The following HUNK variants were observed in gnomAD, a reference collection of about 807,000 sequenced individuals.
The protein encoded by HUNK is hormonally up-regulated Neu-associated kinase.
HUNK carries 21 observed loss-of-function variants against 61.0 expected under a neutral mutation model. The observed-to-expected ratio is 0.34, with a 90% CI of 0.24 to 0.50. The LOEUF (loss-of-function observed/expected upper bound fraction) is 0.50, where lower values mean the gene tolerates loss of function less well. Ranked by LOEUF, HUNK falls within the 20% of genes least tolerant of loss-of-function variation. The pLI, the probability that HUNK is intolerant of heterozygous loss-of-function variation, is 0.98. For missense variants in HUNK, 772 were observed against 945.7 expected (o/e 0.82, Z 2.41); for synonymous variants, 371 against 386.1 (o/e 0.96, Z 0.46).
At chr21:31,994,832 A>G (rs2053192723) in intron 9 of HUNK, among the ~76,000 whole-genome samples, 1 of 152,258 alleles carries the variant, frequency 6.6e-6, no homozygotes, top group South Asian at 2.1e-4. Context: ...ATTATATTCT[A>G]GTACAACGAA....
rs144285519 is a variant in HUNK at position 31,914,193 on chromosome 21, T to A, written c.262-10275T>A. Among the ~76,000 whole-genome samples the A allele has an allele frequency of 4.3e-3, 650 of 151,832 alleles. 6 individuals are homozygous for A. Among genetic ancestry groups the A allele is most frequent in the African/African-American group, 0.015 (630 of 41,408 alleles). ...GAGGCCAAGGCGGGCGGATCACCTG[T>A]GGTCAGGAGTTCAAGACCAGCCTGA... On this transcript the variant is annotated intron_variant, in intron 1 of 10. Coordinates refer to ENST00000270112, the MANE Select transcript of HUNK (RefSeq NM_014586.2).
chr21:31,874,136 C>T (rs943384550), intron 1 of HUNK, among the ~76,000 whole-genome samples: 1 of 151,930 alleles, frequency 6.6e-6, no homozygotes, highest in African/African-American at 2.4e-5. Context: ...GTCCGCTGCC[C>T]GGGGGTTGGG....
intron 4 of HUNK, 72 bp downstream of exon 4, chr21:31,946,243 C>A: frequency 6.8e-7 from 1 of 1,476,678 alleles, no homozygotes; most frequent in Admixed American, 1.9e-5. Flanking sequence ...TGAAATCATG[C>A]CTGAGTATTG....
At chr21:31,886,423 CAA>C (rs35762828) in intron 1 of HUNK, among the ~76,000 whole-genome samples, 14 of 130,606 alleles carry the variant, frequency 1.1e-4, no homozygotes, top group Admixed American at 8.2e-5. Context: ...GAGACTGTCT[CAA>C]AAAAAAAAAA....
chr21:31,928,081 C>T (rs905285509), intron 2 of HUNK, among the ~76,000 whole-genome samples: 4 of 152,162 alleles, frequency 2.6e-5, no homozygotes, highest in Non-Finnish European at 5.9e-5. Flanking sequence ...AAATGATAGT[C>T]GTAAGTGTGC....
At chr21:31,875,365 C>CT (rs1186603053) in intron 1 of HUNK, among the ~76,000 whole-genome samples, 2 of 152,158 alleles carry the variant, frequency 1.3e-5, no homozygotes, top group African/African-American at 4.8e-5. Flanking sequence ...CCTGTGTTCC[C>CT]TACAGCCGTT....
Position 31,873,712 on chromosome 21 carries a change from C to G in HUNK, c.38C>G (p.Pro13Arg). The change falls in exon 1 of 11, where the codon CCG becomes CGG. Residue 13 changes from proline to arginine, a missense_variant. This residue lies in a region of HUNK where 359 missense variants were observed against 501.3 expected (regional missense o/e 0.72). Coordinates refer to ENST00000270112, the MANE Select transcript of HUNK (RefSeq NM_014586.2). The surrounding 1 kb of genome is among the most constrained non-coding windows in gnomAD (Gnocchi z 6.1). ...AAAGDGLLGE[P>R]AAPGGGGGAE... ...GCGGGGGACGGGCTCCTGGGGGAGC[C>G]GGCGGCGCCTGGGGGCGGCGGCGGC... 9.4e-6 allele frequency: 11 copies of G among 1,175,362 alleles called. No homozygotes were observed. The highest frequency in any genetic ancestry group is 1.2e-5 in the Non-Finnish European group (11 of 954,458). The allele number at this position is 1,175,362 out of a possible 1,614,324, so 72.8% of individuals were successfully genotyped here. A position where few individuals can be genotyped will look rare whatever the true frequency, so the allele number is the denominator to read the frequency against.
At chr21:31,874,952 C>T (rs1335338488) in intron 1 of HUNK, among the ~76,000 whole-genome samples, 1 of 152,196 alleles carries the variant, frequency 6.6e-6, no homozygotes, top group East Asian at 1.9e-4. Context: ...TCACCCCAGG[C>T]TGGAGCTGCC....
At chr21:31,938,330 T>C (rs539572612) in intron 2 of HUNK, among the ~76,000 whole-genome samples, 2 of 152,342 alleles carry the variant, frequency 1.3e-5, no homozygotes, top group South Asian at 4.1e-4. Context: ...TCTGCCCATA[T>C]TGAGGTTGAA....
At position 31,946,188 on chromosome 21, in the gene HUNK, C is replaced by T. The variant is rs980652882; in HGVS notation, c.746+17C>T. On this transcript the variant is annotated intron_variant, in intron 4 of 10. Transcript: ENST00000270112. ...CTGGTCCATGTGAGTTATCAAGCTT[C>T]TGAAAGTCAGTGTTCCTCCTGCTGT... The T allele has an allele frequency of 6.2e-7, 1 of 1,603,600 alleles. No individual in the cohort carries two copies. The highest frequency in any genetic ancestry group is 1.3e-5 in the African/African-American group (1 of 74,766).
intron 1 of HUNK, among the ~76,000 whole-genome samples, chr21:31,877,657 T>C (rs1319641593): frequency 1.3e-5 from 2 of 152,200 alleles, no homozygotes; most frequent in African/African-American, 2.4e-5. Context: ...TTGACCAAAG[T>C]TGATGATTAG....
At chr21:31,923,518 G>A (rs1042555520) in intron 1 of HUNK, among the ~76,000 whole-genome samples, 15 of 146,536 alleles carry the variant, frequency 1.0e-4, no homozygotes, top group African/African-American at 3.8e-4. Context: ...AGAGAGGGAA[G>A]GAGGGAGGAA....
intron 7 of HUNK, among the ~76,000 whole-genome samples, chr21:31,978,952 G>A (rs2053070989): frequency 6.6e-6 from 1 of 152,078 alleles, no homozygotes; most frequent in Admixed American, 6.6e-5. Flanking sequence ...CCGACAGTGT[G>A]CAAAGGTTCT....
chr21:31,947,266 TGCGC>T (rs1372894015), intron 4 of HUNK, among the ~76,000 whole-genome samples: 4,678 of 146,242 alleles, frequency 0.032, 37 homozygotes, highest in African/African-American at 0.065. Context: ...CAGTGGCGCC[TGCGC>T]ATTCCCACAT....
At chr21:31,885,067 C>T (rs9979838) in intron 1 of HUNK, among the ~76,000 whole-genome samples, 20,865 of 152,080 alleles carry the variant, frequency 0.14, 1,669 homozygotes, top group East Asian at 0.37. Flanking sequence ...CACGAGTCAT[C>T]GCGCCTGGCC....
At chr21:31,898,849 A>C (rs1219389741) in intron 1 of HUNK, among the ~76,000 whole-genome samples, 1 of 152,148 alleles carries the variant, frequency 6.6e-6, no homozygotes, top group African/African-American at 2.4e-5. Flanking sequence ...ACTGATATGA[A>C]AGCAAAGCTT....
chr21:31,898,722 A>T (rs1172192719), intron 1 of HUNK, among the ~76,000 whole-genome samples: 1 of 151,992 alleles, frequency 6.6e-6, no homozygotes, highest in Non-Finnish European at 1.5e-5. Flanking sequence ...ACAGGGCAGG[A>T]GTGGGGTCCA....
chr21:31,966,640 A>G (rs2052968427), intron 5 of HUNK, among the ~76,000 whole-genome samples: 1 of 152,186 alleles, frequency 6.6e-6, no homozygotes, highest in African/African-American at 2.4e-5. Flanking sequence ...GCAGAAAATG[A>G]GTTGACAAAA....
chr21:31,962,517 G>A (rs1308950619), intron 5 of HUNK, among the ~76,000 whole-genome samples: 1 of 152,218 alleles, frequency 6.6e-6, no homozygotes, highest in Non-Finnish European at 1.5e-5. Flanking sequence ...TATTAAAAAT[G>A]TTCCCAGCAA....
Sources: gnomAD v4.1 joint callset for allele counts (sites outside exome capture counted in the v4.1 genomes callset) on GRCh38, gnomAD v4.1.1 for gene constraint, gnomAD v4.1.1 regional missense constraint, Gnocchi (gnomAD v3.1) non-coding constraint, MANE v1.5 for transcripts, NCBI Gene and HGNC (gene_info 2026-07-23, HGNC 2026-07-21) for gene names.